TENM3: variants seen among roughly 807,000 people sequenced by gnomAD.
TENM3 encodes the protein teneurin transmembrane protein 3, also known as teneurin-3.
In TENM3, 63 loss-of-function variants were observed where a neutral mutation model predicts 255.1. The ratio of observed to expected loss-of-function variants is 0.25; its 90% CI spans 0.20 to 0.30. TENM3 has a LOEUF of 0.30. Ranked by LOEUF, TENM3 falls within the 10% of genes least tolerant of loss-of-function variation. The probability of loss-of-function intolerance (pLI) is 1.00; values close to 1 mark genes in which losing one functional copy is unlikely to be tolerated. For synonymous variants in TENM3, 1,306 were observed against 1,322.3 expected (o/e 0.99, Z 0.27); for missense variants, 2,929 against 3,461.1 (o/e 0.85, Z 3.86).
chr4:181,554,297 A>C, the TENM3 span, among the ~76,000 whole-genome samples: 2 of 152,196 alleles, frequency 1.3e-5, no homozygotes, highest in African/African-American at 4.8e-5. Flanking sequence ...TGTCAGTCTC[A>C]TGTACAGCTA....
intron 1 of TENM3, among the ~76,000 whole-genome samples, chr4:182,291,000 T>C (rs1761089625): frequency 6.6e-6 from 1 of 152,070 alleles, no homozygotes; most frequent in South Asian, 2.1e-4. Flanking sequence ...TTTGTATTTT[T>C]AGTAGAGATG....
the TENM3 span, among the ~76,000 whole-genome samples, chr4:181,598,052 G>T: frequency 6.6e-6 from 1 of 152,112 alleles, no homozygotes; most frequent in East Asian, 1.9e-4. Flanking sequence ...TGTCTGCTAG[G>T]GTATTAGTAG....
At chr4:182,795,155 C>T (rs1766409367) in intron 26 of TENM3, among the ~76,000 whole-genome samples, 1 of 152,154 alleles carries the variant, frequency 6.6e-6, no homozygotes, top group Non-Finnish European at 1.5e-5. Flanking sequence ...CATTTCATAT[C>T]TCTTCCATGT....
At chr4:182,346,510 T>C in intron 2 of TENM3, 141 bp from the exon 3 acceptor site, 1 of 841,452 alleles carries the variant, frequency 1.2e-6, no homozygotes, top group South Asian at 1.9e-5. Context: ...GACGCTACTG[T>C]AAACGCCTGG....
the TENM3 span, among the ~76,000 whole-genome samples, chr4:181,605,055 G>A: frequency 6.6e-6 from 1 of 152,186 alleles, no homozygotes; most frequent in African/African-American, 2.4e-5. Context: ...GTGATTTAGA[G>A]TCACTTGAAA....
chr4:182,761,776 T>TTTGA (rs1484108794), intron 22 of TENM3, among the ~76,000 whole-genome samples: 1 of 152,192 alleles, frequency 6.6e-6, no homozygotes, highest in African/African-American at 2.4e-5. Flanking sequence ...AAATTCTATT[T>TTTGA]TTGATAGAAT....
At chr4:182,024,956 G>A in the TENM3 span, among the ~76,000 whole-genome samples, 3 of 151,154 alleles carry the variant, frequency 2.0e-5, no homozygotes, top group African/African-American at 7.3e-5. Flanking sequence ...TTCTGTGCCT[G>A]GCTTATTTCA....
the TENM3 span, among the ~76,000 whole-genome samples, chr4:182,010,922 CT>C: frequency 2.6e-5 from 4 of 152,204 alleles, no homozygotes; most frequent in African/African-American, 9.7e-5. Flanking sequence ...CTCCACCACT[CT>C]TTCTCTGGGC....
At chr4:182,472,927 T>G (rs914123072) in intron 3 of TENM3, among the ~76,000 whole-genome samples, 1 of 152,170 alleles carries the variant, frequency 6.6e-6, no homozygotes, top group African/African-American at 2.4e-5. Flanking sequence ...CTTGCTATGT[T>G]GTTCAGGCTG....
intron 1 of TENM3, among the ~76,000 whole-genome samples, chr4:182,297,665 A>C (rs1761581403): frequency 6.6e-6 from 1 of 152,176 alleles, no homozygotes; most frequent in African/African-American, 2.4e-5. Flanking sequence ...GTAGTGTGGA[A>C]GCTCCCCATT....
At chr4:181,970,582 C>T in the TENM3 span, among the ~76,000 whole-genome samples, 1 of 152,170 alleles carries the variant, frequency 6.6e-6, no homozygotes, top group African/African-American at 2.4e-5. Context: ...TCATAACCAC[C>T]TCCTTTATGT....
the TENM3 span, among the ~76,000 whole-genome samples, chr4:181,707,208 G>T: frequency 6.6e-6 from 1 of 152,152 alleles, no homozygotes; most frequent in African/African-American, 2.4e-5. Context: ...GTAGCAACAG[G>T]GCGCGAAATC....
the TENM3 span, among the ~76,000 whole-genome samples, chr4:181,813,829 C>CTTGT: frequency 1.3e-5 from 2 of 152,044 alleles, no homozygotes; most frequent in Non-Finnish European, 2.9e-5. Context: ...TAGTCAGCAT[C>CTTGT]TTGTTTTCAA....
chr4:182,033,328 T>C, the TENM3 span, among the ~76,000 whole-genome samples: 1 of 152,202 alleles, frequency 6.6e-6, no homozygotes, highest in African/African-American at 2.4e-5. Context: ...AGCAAGTTGT[T>C]CACTTTCCAT....
the TENM3 span, among the ~76,000 whole-genome samples, chr4:181,723,122 C>T: frequency 3.4e-3 from 516 of 152,044 alleles, 8 homozygotes; most frequent in African/African-American, 0.012. Context: ...ATCAGCAAAT[C>T]GTCAAGATAA....
At position 182,601,040 on chromosome 4, in the gene TENM3, A is replaced by G. The variant is rs1747794005; in HGVS notation, c.628A>G (p.Asn210Asp). 2 of 1,613,398 alleles carry G rather than the reference A, an allele frequency of 1.2e-6. No individual in the cohort carries two copies. Among genetic ancestry groups the G allele is most frequent in the Admixed American group, 1.7e-5 (1 of 59,942 alleles). ...TTCTCTCAACAGAAACTCCCTGACC[A>G]ATAGAAGGAACCAGAGTCCGGCCCC... ...ITSLNRNSLT[N>D]RRNQSPAPPA... The change falls in exon 4 of 28, where the codon AAT (asparagine) becomes GAT (aspartate). Residue 210 changes from asparagine (N) to aspartate (D), a missense_variant. Physicochemically the swap from Asn to Asp is conservative, Grantham distance 23. Coordinates refer to ENST00000511685, the MANE Select transcript of TENM3 (RefSeq NM_001080477.4).
the TENM3 span, among the ~76,000 whole-genome samples, chr4:181,712,490 C>T: frequency 6.6e-6 from 1 of 152,082 alleles, no homozygotes; most frequent in African/African-American, 2.4e-5. Context: ...GAAGCATAGC[C>T]GATGCCAGTA....
the TENM3 span, among the ~76,000 whole-genome samples, chr4:181,746,734 C>A: frequency 6.6e-6 from 1 of 151,642 alleles, no homozygotes; most frequent in Non-Finnish European, 1.5e-5. Flanking sequence ...ATCCCTTGAA[C>A]CACTTCCCTA....
chr4:182,075,064 G>A, the TENM3 span, among the ~76,000 whole-genome samples: 10 of 152,228 alleles, frequency 6.6e-5, no homozygotes, highest in South Asian at 4.1e-4. Flanking sequence ...ACTCCACACC[G>A]CATGGCTCAG....
Sources: allele counts gnomAD v4.1 joint callset (sites outside exome capture counted in the v4.1 genomes callset), GRCh38; gene constraint gnomAD v4.1.1; transcripts MANE v1.5; gene names NCBI Gene and HGNC (gene_info 2026-07-23, HGNC 2026-07-21).